The following ANKFN1 variants were observed in gnomAD, a reference collection of about 807,000 sequenced individuals.
ANKFN1 encodes ankyrin repeat and fibronectin type-III domain-containing protein 1.
A neutral mutation model predicts 108.7 loss-of-function variants in ANKFN1; 74 were observed. The ratio of observed to expected loss-of-function variants is 0.68; its 90% confidence interval spans 0.56 to 0.83. ANKFN1 has a LOEUF of 0.83. Ranked by LOEUF, ANKFN1 falls within the 40% of genes least tolerant of loss-of-function variation. The probability of loss-of-function intolerance (pLI) is 0.00; values close to 1 mark genes in which losing one functional copy is unlikely to be tolerated. For synonymous variants in ANKFN1, 547 were observed against 516.2 expected, an observed-to-expected ratio of 1.06 and a Z score of -0.81; for missense variants, 1,505 against 1,382.3, an observed-to-expected ratio of 1.09 and a Z score of -1.41.
At chr17:56,213,249 C>T (rs1915160153) in intron 2 of ANKFN1, among the ~76,000 whole-genome samples, 2 of 152,146 alleles carry the variant, frequency 1.3e-5, no homozygotes. Context: ...CTCAACCATC[C>T]CGTCACAGGC....
At chr17:56,315,626 C>T (rs1314057389) in intron 3 of ANKFN1, among the ~76,000 whole-genome samples, 3 of 152,168 alleles carry the variant, frequency 2.0e-5, no homozygotes, top group Non-Finnish European at 4.4e-5. Flanking sequence ...CAGTAGGTTT[C>T]ACAATGCAGA....
At chr17:56,205,250 G>T (rs1429619465) in intron 1 of ANKFN1, among the ~76,000 whole-genome samples, 1 of 152,156 alleles carries the variant, frequency 6.6e-6, no homozygotes, top group Non-Finnish European at 1.5e-5. Context: ...ACCCAGTCTT[G>T]TTCCCCAAAG....
intron 1 of ANKFN1, among the ~76,000 whole-genome samples, chr17:56,180,075 G>T (rs1401080200): frequency 6.6e-6 from 1 of 152,128 alleles, no homozygotes; most frequent in South Asian, 2.1e-4. Flanking sequence ...ATTTCTGGGG[G>T]ATGCATGTAG....
intron 8 of ANKFN1, among the ~76,000 whole-genome samples, chr17:56,417,356 C>A (rs1435104979): frequency 6.6e-6 from 1 of 152,052 alleles, no homozygotes; most frequent in African/African-American, 2.4e-5. Context: ...GTACTACGTA[C>A]CCACAAAAGT....
At chr17:56,408,342 A>T (rs894569593) in intron 8 of ANKFN1, among the ~76,000 whole-genome samples, 4 of 152,144 alleles carry the variant, frequency 2.6e-5, no homozygotes, top group Non-Finnish European at 5.9e-5. Flanking sequence ...TTCCTATGTG[A>T]GTGTTTGTTA....
Position 56,383,406 on chromosome 17 carries a change from C to G in ANKFN1, c.910+8692C>G, listed in dbSNP as rs533371995. Among the ~76,000 whole-genome samples the G allele has an allele frequency of 3.9e-5, 6 of 152,160 alleles. No homozygotes were observed. The East Asian group carries it at 1.2e-3, about 29-fold the overall frequency. The stretch of plus-strand genomic sequence containing the variant: ...AGATCCAAAATTGACACGCTAATAT[C>G]ACAATTAAAAGAACTAGAAAAGCAA... On this transcript the variant is annotated intron_variant, in intron 8 of 20. Coordinates refer to ENST00000682825, the MANE Select transcript of ANKFN1 (RefSeq NM_001370326.1).
chr17:56,259,983 C>A (rs541237136), intron 3 of ANKFN1, among the ~76,000 whole-genome samples: 1 of 151,988 alleles, frequency 6.6e-6, no homozygotes, highest in South Asian at 2.1e-4. Flanking sequence ...AACATACTTG[C>A]ACATGCAATT....
At chr17:56,277,154 G>T (rs1219034045) in intron 3 of ANKFN1, among the ~76,000 whole-genome samples, 1 of 152,138 alleles carries the variant, frequency 6.6e-6, no homozygotes, top group Non-Finnish European at 1.5e-5. Context: ...TAGCTGTTTG[G>T]TATGTCCAGC....
rs1222532859 is a variant in ANKFN1 at position 56,471,605 on chromosome 17, A to G, written c.1773+5034A>G. 1.6e-4 allele frequency: 24 copies of G among 152,240 alleles called. 2 individuals are homozygous for G. Among genetic ancestry groups the G allele is most frequent in the Non-Finnish European group, 2.9e-5 (2 of 68,046 alleles). The allele number at this position is 152,240 out of a possible 1,614,324, so 9.4% of individuals were successfully genotyped here. On this transcript the variant is annotated intron_variant, in intron 15 of 20. Coordinates refer to ENST00000682825, the MANE Select transcript of ANKFN1 (RefSeq NM_001370326.1). ...CTTGTTCACCAATGTTCATAGAAGC[A>G]TTATTCACAATAGCCAAACAGTAGA...
At chr17:56,335,818 T>C (rs1416929995) in intron 4 of ANKFN1, among the ~76,000 whole-genome samples, 3 of 152,188 alleles carry the variant, frequency 2.0e-5, no homozygotes, top group Non-Finnish European at 4.4e-5. Context: ...GGGCTTCCAG[T>C]TTCTGCCCAT....
At chr17:56,183,209 A>C (rs1315683732) in intron 1 of ANKFN1, among the ~76,000 whole-genome samples, 1 of 152,156 alleles carries the variant, frequency 6.6e-6, no homozygotes, top group Non-Finnish European at 1.5e-5. Flanking sequence ...TAAGGAGTAC[A>C]TTTCATAAGG....
rs1435368628 is a variant in ANKFN1, at chr17:56,374,691, C to A, written c.887C>A (p.Ala296Glu). ...VSFQEPLSVNAAVVTRYKVEW... is the reference protein window; with the variant it reads ...VSFQEPLSVNEAVVTRYKVEW... ...TTCCAAGAGCCTCTTAGCGTCAATG[C>A]AGCTGTAGTAACCAGGTATAAAGGT... The change falls in exon 8 of 21, where the codon GCA becomes GAA. Residue 296 changes from alanine to glutamate, a missense_variant. Coordinates refer to ENST00000682825, the MANE Select transcript of ANKFN1 (RefSeq NM_001370326.1). 3.7e-6 allele frequency: 6 copies of A among 1,613,616 alleles called. No homozygotes were observed. In the South Asian group the frequency reaches 6.6e-5, roughly 18 times the overall value.
intron 1 of ANKFN1, among the ~76,000 whole-genome samples, chr17:56,179,722 A>G (rs1911508297): frequency 6.6e-6 from 1 of 152,222 alleles, no homozygotes; most frequent in African/African-American, 2.4e-5. Flanking sequence ...CTTCATCTGT[A>G]AAACTGAGTT....
intron 4 of ANKFN1, among the ~76,000 whole-genome samples, chr17:56,062,726 C>T (rs1269568549): frequency 6.6e-6 from 1 of 152,042 alleles, no homozygotes; most frequent in Non-Finnish European, 1.5e-5. Flanking sequence ...GGGCATTTAG[C>T]CCATTTACAT....
At chr17:56,136,235 G>A (rs144976793) in intron 4 of ANKFN1, among the ~76,000 whole-genome samples, 1 of 152,310 alleles carries the variant, frequency 6.6e-6, no homozygotes, top group Non-Finnish European at 1.5e-5. Context: ...GAAATGAATG[G>A]TGGATTGGGG....
At chr17:56,463,543 T>C (rs2049980794) in intron 14 of ANKFN1, among the ~76,000 whole-genome samples, 1 of 152,204 alleles carries the variant, frequency 6.6e-6, no homozygotes, top group South Asian at 2.1e-4. Context: ...ATCCTGTAAG[T>C]GACCAAAAGC....
In ANKFN1 at chr17:56,516,644, C is replaced by A. The variant is rs1283740024; in HGVS notation, c.*5375C>A. 6.6e-6 allele frequency among the ~76,000 whole-genome samples: 1 copy of A among 152,180 alleles called. No individual in the cohort carries two copies. Among genetic ancestry groups the A allele is most frequent in the Non-Finnish European group, 1.5e-5 (1 of 68,044 alleles). The stretch of plus-strand genomic sequence containing the variant: ...GTGTACTGTAAATGTCCAGTACCCT[C>A]AATCAAAAACAGCACTGGTAAAATG... On this transcript the variant is annotated 3_prime_UTR_variant, in exon 21 of 21. Coordinates refer to ENST00000682825, the MANE Select transcript of ANKFN1 (RefSeq NM_001370326.1).
intron 15 of ANKFN1, among the ~76,000 whole-genome samples, chr17:56,467,805 A>G (rs1293540101): frequency 2.7e-5 from 1 of 36,654 alleles, no homozygotes; most frequent in Non-Finnish European, 4.8e-5. Flanking sequence ...AAAGAAAGAA[A>G]GAAAGAAAGA....
intron 1 of ANKFN1, among the ~76,000 whole-genome samples, chr17:56,183,425 G>T (rs1293980595): frequency 6.6e-6 from 1 of 152,210 alleles, no homozygotes; most frequent in Non-Finnish European, 1.5e-5. Context: ...CAGTGTTGGA[G>T]GTGGAGCTTA....
Sources: allele counts gnomAD v4.1 joint callset (sites outside exome capture counted in the v4.1 genomes callset), GRCh38; gene constraint gnomAD v4.1.1; transcripts MANE v1.5; gene names NCBI Gene and HGNC (gene_info 2026-07-23, HGNC 2026-07-21).